Variants in PTPN4 observed in about 807,000 individuals in gnomAD.
The protein encoded by PTPN4 is tyrosine-protein phosphatase non-receptor type 4.
In PTPN4, 49 loss-of-function variants were observed where a neutral mutation model predicts 135.5. That is an observed-to-expected ratio of 0.36 (90% CI 0.29 to 0.46). PTPN4 has a LOEUF of 0.46. PTPN4 is among the 20% of genes least tolerant of loss of function. PTPN4 has a pLI of 1.00. For missense variants in PTPN4, 860 were observed against 1,101.0 expected, an observed-to-expected ratio of 0.78 and a Z score of 3.10; for synonymous variants, 333 against 369.9, an observed-to-expected ratio of 0.90 and a Z score of 1.14.
intron 2 of PTPN4, among the ~76,000 whole-genome samples, chr2:119,856,771 G>A (rs957694891): frequency 6.6e-6 from 1 of 152,140 alleles, no homozygotes; most frequent in Non-Finnish European, 1.5e-5. Context: ...ATTCATACTA[G>A]GAGGATAATA....
chr2:119,875,854 A>G (rs536596632), intron 3 of PTPN4, among the ~76,000 whole-genome samples: 2 of 152,290 alleles, frequency 1.3e-5, no homozygotes, highest in South Asian at 4.1e-4. Flanking sequence ...GAGTCAGACA[A>G]AAAAAGACAA....
intron 6 of PTPN4, 29 bp from the exon 7 acceptor site, chr2:119,882,068 G>A (rs537581595): frequency 5.1e-5 from 79 of 1,563,124 alleles, no homozygotes; most frequent in Non-Finnish European, 6.6e-5. Flanking sequence ...TTTAACCTTC[G>A]GTTGTGTATT....
chr2:119,962,454 CAAA>C (rs556358919), intron 23 of PTPN4, among the ~76,000 whole-genome samples, 159 bp from the exon 24 acceptor site: 1 of 107,172 alleles, frequency 9.3e-6, no homozygotes, highest in Non-Finnish European at 2.0e-5. Context: ...AACTCCATCG[CAAA>C]AAAAAAAAAC....
intron 8 of PTPN4, 129 bp downstream of exon 8, chr2:119,882,752 A>G: frequency 1.3e-6 from 1 of 799,202 alleles, no homozygotes; most frequent in Non-Finnish European, 1.8e-6. Flanking sequence ...TAATATTATC[A>G]TAAAGAAATA....
At chr2:119,947,293 C>A in intron 18 of PTPN4, among the ~76,000 whole-genome samples, 1 of 152,154 alleles carries the variant, frequency 6.6e-6, no homozygotes, top group East Asian at 1.9e-4. Flanking sequence ...GAACCAGCAG[C>A]CTGAGAGAGG....
chr2:119,818,746 G>A lies in PTPN4; in HGVS notation c.138+8755G>A, dbSNP rs1388379803. Among the ~76,000 whole-genome samples the A allele has an allele frequency of 2.0e-5, 3 of 152,180 alleles. No homozygotes were observed. The East Asian group carries it at 5.8e-4, about 29-fold the overall frequency. Reference sequence around the variant, plus strand: ...TTATATTATGGCAGGCAGTTAAATAGCCAGCAGATTACTTTGATCTTATGG... The same window carrying A: ...TTATATTATGGCAGGCAGTTAAATAACCAGCAGATTACTTTGATCTTATGG... On this transcript the variant is annotated intron_variant, in intron 2 of 26. Coordinates refer to ENST00000263708, the MANE Select transcript of PTPN4 (RefSeq NM_002830.4).
chr2:119,877,076 C>T (rs1026328398), intron 3 of PTPN4, among the ~76,000 whole-genome samples: 6 of 152,082 alleles, frequency 3.9e-5, no homozygotes, highest in African/African-American at 1.2e-4. Flanking sequence ...GAGGTTGTTG[C>T]ACATTGTACT....
intron 2 of PTPN4, among the ~76,000 whole-genome samples, chr2:119,822,636 C>A (rs527909948): frequency 6.6e-6 from 1 of 152,150 alleles, no homozygotes; most frequent in African/African-American, 2.4e-5. Flanking sequence ...GGATTTCAGG[C>A]GTGAGCCACC....
At chr2:119,972,234 T>C (rs1275101077) in intron 26 of PTPN4, among the ~76,000 whole-genome samples, 1 of 151,712 alleles carries the variant, frequency 6.6e-6, no homozygotes, top group African/African-American at 2.4e-5. Flanking sequence ...CTAGATCAAA[T>C]TGGGAAGTAT....
At chr2:119,879,261 A>AT (rs1339208910) in intron 5 of PTPN4, among the ~76,000 whole-genome samples, 1 of 152,188 alleles carries the variant, frequency 6.6e-6, no homozygotes, top group Non-Finnish European at 1.5e-5. Flanking sequence ...TGATTCTTTT[A>AT]TAGCCTGCAT....
chr2:119,783,419 G>C (rs1415009945), intron 1 of PTPN4, among the ~76,000 whole-genome samples: 1 of 152,094 alleles, frequency 6.6e-6, no homozygotes, highest in East Asian at 1.9e-4. Flanking sequence ...GATTTTCTGG[G>C]GCAAGTGTTG....
intron 1 of PTPN4, among the ~76,000 whole-genome samples, chr2:119,766,458 G>GCT (rs1558718908): frequency 7.4e-6 from 1 of 135,222 alleles, no homozygotes; most frequent in African/African-American, 2.9e-5. Flanking sequence ...GCGTGTGTGT[G>GCT]TGTGTGTGTG....
intron 2 of PTPN4, among the ~76,000 whole-genome samples, chr2:119,825,571 C>CTG (rs1353734861): frequency 6.6e-6 from 1 of 150,500 alleles, no homozygotes; most frequent in Non-Finnish European, 1.5e-5. Flanking sequence ...TCTCTGCTCA[C>CTG]TACAACCTTC....
chr2:119,973,952 C>T (rs933558612), intron 26 of PTPN4, among the ~76,000 whole-genome samples: 1 of 151,994 alleles, frequency 6.6e-6, no homozygotes, highest in Non-Finnish European at 1.5e-5. Context: ...TTCTATCATT[C>T]TGTCTTTATT....
chr2:119,823,600 A>T (rs773090571), intron 2 of PTPN4, among the ~76,000 whole-genome samples: 1 of 152,098 alleles, frequency 6.6e-6, no homozygotes, highest in Non-Finnish European at 1.5e-5. Flanking sequence ...TTCACTTTCA[A>T]TTATTTCGTG....
At chr2:119,812,725 AATGAATT>A (rs1676913374) in intron 2 of PTPN4, among the ~76,000 whole-genome samples, 1 of 152,168 alleles carries the variant, frequency 6.6e-6, no homozygotes, top group African/African-American at 2.4e-5. Flanking sequence ...ATTGTCACTA[AATGAATT>A]CATGATATGA....
intron 20 of PTPN4, among the ~76,000 whole-genome samples, chr2:119,956,318 A>G (rs545480534): frequency 1.3e-5 from 2 of 148,994 alleles, no homozygotes; most frequent in South Asian, 2.1e-4. Context: ...TGTCCAAACA[A>G]TCCTCCAGCC....
At chr2:119,816,986 T>C (rs1295047541) in intron 2 of PTPN4, among the ~76,000 whole-genome samples, 2 of 152,216 alleles carry the variant, frequency 1.3e-5, no homozygotes, top group East Asian at 3.8e-4. Flanking sequence ...CACAGATCCA[T>C]GTAATGCTCG....
At chr2:119,856,489 C>T (rs1270453741) in intron 2 of PTPN4, among the ~76,000 whole-genome samples, 6 of 152,136 alleles carry the variant, frequency 3.9e-5, no homozygotes, top group African/African-American at 1.4e-4. Flanking sequence ...ATACTATGTC[C>T]CATTTATGCC....
Sources: allele counts gnomAD v4.1 joint callset (sites outside exome capture counted in the v4.1 genomes callset), GRCh38; gene constraint gnomAD v4.1.1; transcripts MANE v1.5; gene names NCBI Gene and HGNC (gene_info 2026-07-23, HGNC 2026-07-21).